TULP3: variants seen among roughly 807,000 people sequenced by gnomAD.
TULP3 encodes TUB like protein 3.
TULP3 carries 38 observed loss-of-function variants against 50.7 expected under a neutral mutation model. That is an observed-to-expected ratio of 0.75 (90% CI 0.58 to 0.98). The LOEUF (loss-of-function observed/expected upper bound fraction) is 0.98. Among genes scored for constraint, TULP3 ranks in the 50% least tolerant of loss-of-function variants. TULP3 has a pLI of 0.00. For synonymous variants in TULP3, 183 were observed against 196.6 expected (o/e 0.93, Z 0.58); for missense variants, 550 against 568.0 (o/e 0.97, Z 0.32).
At chr12:2,937,200 ATTTTTTTTTTTTTTTT>A (rs771074689) in intron 8 of TULP3, among the ~76,000 whole-genome samples, 4 of 54,446 alleles carry the variant, frequency 7.3e-5, no homozygotes, top group Admixed American at 3.6e-4. Context: ...GGTACACCTG[ATTTTTTTTTTTTTTTT>A]TTTTTTTTTT....
intron 1 of TULP3, among the ~76,000 whole-genome samples, chr12:2,904,592 AGTGTTTCT>A (rs2098181131): frequency 6.6e-6 from 1 of 152,078 alleles, no homozygotes; most frequent in African/African-American, 2.4e-5. Context: ...GCCACGCTTG[AGTGTTTCT>A]GTGTTTCTTC....
Position 2,906,641 on chromosome 12 carries a change from A to AT in TULP3, c.42-2886dup, listed in dbSNP as rs2098182443. On this transcript the variant is annotated intron_variant, in intron 1 of 10. Coordinates refer to ENST00000448120, the MANE Select transcript of TULP3 (RefSeq NM_003324.5). The stretch of plus-strand genomic sequence containing the variant: ...ACTGCGTCTGGCCTAATTTTTTTTA[A>AT]TTAAAAAAAAATGGCTGTAATCTCA... 2.0e-5 allele frequency among the ~76,000 whole-genome samples: 3 copies of AT among 151,104 alleles called. No homozygotes were observed. In the South Asian group the frequency reaches 6.3e-4, roughly 32 times the overall value.
At position 2,934,525 on chromosome 12, in the gene TULP3, G is replaced by A. The variant is rs370311648; in HGVS notation, c.888G>A (p.Ala296=). The A allele has an allele frequency of 3.4e-5, 55 of 1,599,384 alleles. No homozygotes were observed. The highest frequency in any genetic ancestry group is 1.7e-4 in the Middle Eastern group (1 of 6,042). Residue 296 remains alanine, a synonymous_variant, in exon 8 of 11, where the codon GCG becomes GCA. Coordinates refer to ENST00000448120, the MANE Select transcript of TULP3 (RefSeq NM_003324.5). ...TGAAGGGCCGGGGTTTGGTAGGAGCGGCCCACACCCGGCAGGAGCTGGCTG... is the reference window on the plus strand; with the variant it reads ...TGAAGGGCCGGGGTTTGGTAGGAGCAGCCCACACCCGGCAGGAGCTGGCTG... ...CPMKGRGLVG[A]AHTRQELAAI...
chr12:2,937,231 T>TTTTTC (rs1555115468), intron 8 of TULP3, among the ~76,000 whole-genome samples: 8 of 130,312 alleles, frequency 6.1e-5, no homozygotes, highest in African/African-American at 1.9e-4. Context: ...TTTTTTTTTT[T>TTTTTC]CTGAGGCAGA....
intron 1 of TULP3, among the ~76,000 whole-genome samples, chr12:2,896,866 A>G: frequency 6.6e-6 from 1 of 152,174 alleles, no homozygotes; most frequent in East Asian, 1.9e-4. Context: ...CGTGAAAATT[A>G]TCACACATCA....
intron 2 of TULP3, among the ~76,000 whole-genome samples, chr12:2,917,659 T>C (rs12367905): frequency 0.23 from 34,274 of 151,746 alleles, 4,006 homozygotes; most frequent in East Asian, 0.37. Context: ...GGGCGGATCA[T>C]GAGGTCAGGA....
intron 4 of TULP3, among the ~76,000 whole-genome samples, chr12:2,928,395 T>A (rs2098195857): frequency 1.3e-5 from 2 of 151,910 alleles, no homozygotes. Context: ...CCGGATGTGG[T>A]GGCACATGCC....
intron 1 of TULP3, among the ~76,000 whole-genome samples, chr12:2,908,575 C>T (rs751943764): frequency 4.7e-5 from 7 of 150,214 alleles, no homozygotes; most frequent in African/African-American, 1.7e-4. Context: ...CAGGTGTGGC[C>T]ACCACACCTG....
chr12:2,913,934 G>A (rs189251775), intron 2 of TULP3, among the ~76,000 whole-genome samples: 32 of 152,040 alleles, frequency 2.1e-4, no homozygotes, highest in Admixed American at 3.9e-4. Context: ...TAAAACTGAC[G>A]TATAATAATT....
Position 2,940,103 on chromosome 12 carries a change from C to T in TULP3, c.*659C>T. On this transcript the variant is annotated 3_prime_UTR_variant, in exon 11 of 11. Transcript: ENST00000448120. ...TTATGTGAGAATTTTATATAATTGT[C>T]TTCATTTCAATTAAGGCTGAAAGCA... is the stretch of plus-strand genomic sequence containing the variant. 1.6e-6 allele frequency: 2 copies of T among 1,289,896 alleles called. No individual in the cohort carries two copies. Among genetic ancestry groups the T allele is most frequent in the Middle Eastern group, 2.1e-4 (1 of 4,698 alleles). 79.9% of individuals were successfully genotyped at this position (1,289,896 alleles called of 1,614,324 possible). A position where few individuals can be genotyped will look rare whatever the true frequency, so the allele number is the denominator to read the frequency against.
At chr12:2,911,871 TC>T (rs1436328126) in intron 2 of TULP3, among the ~76,000 whole-genome samples, 21 of 151,852 alleles carry the variant, frequency 1.4e-4, no homozygotes, top group Non-Finnish European at 4.4e-5. Flanking sequence ...CACCTGTAGT[TC>T]CAGCTGCCTG....
At chr12:2,921,833 C>T (rs988304357) in intron 3 of TULP3, among the ~76,000 whole-genome samples, 6 of 152,064 alleles carry the variant, frequency 3.9e-5, no homozygotes. Flanking sequence ...CCTGTGATCC[C>T]AGCACTTTGG....
intron 1 of TULP3, among the ~76,000 whole-genome samples, chr12:2,900,769 G>T (rs1278905972): frequency 6.6e-6 from 1 of 151,358 alleles, no homozygotes. Context: ...CACCCTGGCT[G>T]GAGTGTGGCG....
intron 4 of TULP3, among the ~76,000 whole-genome samples, chr12:2,923,115 A>G (rs1341920363): frequency 6.6e-6 from 1 of 151,616 alleles, no homozygotes; most frequent in African/African-American, 2.4e-5. Context: ...TCGGCCTCCC[A>G]AAGTGCTAGC....
intron 3 of TULP3, 32 bp downstream of exon 3, chr12:2,920,954 G>A: frequency 6.2e-7 from 1 of 1,609,658 alleles, no homozygotes; most frequent in Non-Finnish European, 8.5e-7. Flanking sequence ...CTTCCTAGTG[G>A]GGTACAATTT....
At chr12:2,903,998 G>A (rs1333835604) in intron 1 of TULP3, among the ~76,000 whole-genome samples, 2 of 152,070 alleles carry the variant, frequency 1.3e-5, no homozygotes, top group East Asian at 1.9e-4. Context: ...TGGCCGGGGT[G>A]GTCTTGAACT....
intron 2 of TULP3, among the ~76,000 whole-genome samples, chr12:2,911,846 T>C (rs2098185864): frequency 6.6e-6 from 1 of 151,796 alleles, no homozygotes; most frequent in Non-Finnish European, 1.5e-5. Flanking sequence ...TACGAGAAGC[T>C]GGCATGGTAG....
intron 2 of TULP3, among the ~76,000 whole-genome samples, 153 bp downstream of exon 2, chr12:2,909,733 T>C (rs2098184387): frequency 6.6e-6 from 1 of 152,176 alleles, no homozygotes; most frequent in Non-Finnish European, 1.5e-5. Context: ...CTGGAGTTAG[T>C]GGTTGCTGAA....
intron 2 of TULP3, among the ~76,000 whole-genome samples, chr12:2,911,932 T>C (rs867854953): frequency 2.0e-5 from 3 of 151,556 alleles, no homozygotes; most frequent in Non-Finnish European, 4.4e-5. Flanking sequence ...TAGTTCAGTC[T>C]GGGCAACACA....
Sources: allele counts gnomAD v4.1 joint callset (sites outside exome capture counted in the v4.1 genomes callset), GRCh38; gene constraint gnomAD v4.1.1; transcripts MANE v1.5; gene names NCBI Gene and HGNC (gene_info 2026-07-23, HGNC 2026-07-21).